Variants in RGS8 observed in about 807,000 individuals in gnomAD.
RGS8 encodes regulator of G-protein signaling 8.
RGS8 carries 8 observed loss-of-function variants against 21.7 expected under a neutral mutation model. That is an observed-to-expected ratio of 0.37 (90% CI 0.22 to 0.66). The LOEUF (loss-of-function observed/expected upper bound fraction) is 0.66, where lower values mean the gene tolerates loss of function less well. Ranked by LOEUF, RGS8 falls within the 30% of genes least tolerant of loss-of-function variation. RGS8 has a pLI of 0.59. For missense variants in RGS8, 157 were observed against 217.9 expected, an observed-to-expected ratio of 0.72 and a Z score of 1.76; for synonymous variants, 80 against 83.6, an observed-to-expected ratio of 0.96 and a Z score of 0.24.
chr1:182,679,566 C>T (rs1055749109), intron 1 of RGS8, among the ~76,000 whole-genome samples: 4 of 152,070 alleles, frequency 2.6e-5, no homozygotes, highest in African/African-American at 7.2e-5. Context: ...CAATCTCATC[C>T]TTGCCCATAG....
the RGS8 span, among the ~76,000 whole-genome samples, chr1:182,747,500 T>C: frequency 1.3e-5 from 2 of 152,310 alleles, no homozygotes; most frequent in African/African-American, 4.8e-5. Context: ...TTAATGGGTA[T>C]ATTGCTATTC....
chr1:182,679,198 A>G (rs1439798343), intron 1 of RGS8, among the ~76,000 whole-genome samples: 1 of 152,044 alleles, frequency 6.6e-6, no homozygotes, highest in African/African-American at 2.4e-5. Flanking sequence ...TTCTCCTTTT[A>G]TCAGCAAAAC....
At chr1:182,726,624 C>A in the RGS8 span, among the ~76,000 whole-genome samples, 1 of 151,500 alleles carries the variant, frequency 6.6e-6, no homozygotes, top group East Asian at 1.9e-4. Context: ...GAGCCAAGAT[C>A]ACACCATTGC....
chr1:182,659,286 T>A (rs1262880588), intron 5 of RGS8, among the ~76,000 whole-genome samples: 2 of 152,204 alleles, frequency 1.3e-5, no homozygotes, highest in Non-Finnish European at 2.9e-5. Context: ...GGAGCCTGTA[T>A]CTGCAACTAT....
At chr1:182,720,879 G>GTA in the RGS8 span, among the ~76,000 whole-genome samples, 64 of 129,008 alleles carry the variant, frequency 5.0e-4, 1 homozygote, top group East Asian at 4.3e-3. Context: ...ACACATATAT[G>GTA]TATATATATA....
At chr1:182,720,986 CAT>C in the RGS8 span, among the ~76,000 whole-genome samples, 261 of 91,976 alleles carry the variant, frequency 2.8e-3, 16 homozygotes, top group East Asian at 0.028. Context: ...CATATATACA[CAT>C]ATATATGTGT....
At chr1:182,665,814 T>C (rs1476046438) in intron 5 of RGS8, among the ~76,000 whole-genome samples, 155 bp downstream of exon 6, 1 of 152,230 alleles carries the variant, frequency 6.6e-6, no homozygotes, top group African/African-American at 2.4e-5. Context: ...TTTTCTTTTC[T>C]ATATGCTCCT....
At chr1:182,750,375 C>G in the RGS8 span, among the ~76,000 whole-genome samples, 1 of 152,158 alleles carries the variant, frequency 6.6e-6, no homozygotes, top group Admixed American at 6.5e-5. Context: ...ATCTTTACAT[C>G]AACAATAGTT....
chr1:182,742,747 G>GGGACAGGGAC, the RGS8 span, among the ~76,000 whole-genome samples: 35 of 150,412 alleles, frequency 2.3e-4, no homozygotes, highest in Non-Finnish European at 3.8e-4. Flanking sequence ...GGGAGAGGGA[G>GGGACAGGGAC]AGGGACAGGG....
At chr1:182,655,281 G>A (rs995766059) in intron 5 of RGS8, among the ~76,000 whole-genome samples, 1 of 152,212 alleles carries the variant, frequency 6.6e-6, no homozygotes, top group Non-Finnish European at 1.5e-5. Flanking sequence ...TGAAGTGGAA[G>A]GAGAGGACTC....
intron 6 of RGS8, among the ~76,000 whole-genome samples, chr1:182,647,659 G>A (rs1662766029): frequency 6.6e-6 from 1 of 152,268 alleles, no homozygotes; most frequent in East Asian, 1.9e-4. Flanking sequence ...GGCAAATACT[G>A]AACAGGTGCT....
chr1:182,659,299 TAAGAAATCAGC>T (rs1476217153), intron 5 of RGS8, among the ~76,000 whole-genome samples: 1 of 152,178 alleles, frequency 6.6e-6, no homozygotes, highest in African/African-American at 2.4e-5. Flanking sequence ...GCAACTATTA[TAAGAAATCAGC>T]AAGAAATTTC....
Position 182,681,781 on chromosome 1 carries a change from T to C in RGS8, n.221+2575A>G, listed in dbSNP as rs1484451217. 6.6e-5 allele frequency among the ~76,000 whole-genome samples: 10 copies of C among 152,252 alleles called. 1 individual carries two copies. The highest frequency in any genetic ancestry group is 1.5e-5 in the Non-Finnish European group (1 of 68,046). ...GTGGGTGCACTCCGATGCACGGAGA[T>C]GCTGAGCAAATTCCCCCTGACACTT... On this transcript the variant is annotated intron_variant and non_coding_transcript_variant, in intron 1 of 4. Coordinates refer to the RGS8 transcript ENST00000515211.
the RGS8 span, among the ~76,000 whole-genome samples, chr1:182,735,665 C>T: frequency 2.6e-5 from 4 of 152,334 alleles, no homozygotes; most frequent in East Asian, 5.8e-4. Context: ...AGAACCAGTC[C>T]TGTTATTGAA....
chr1:182,723,803 T>C, the RGS8 span, among the ~76,000 whole-genome samples: 4 of 152,290 alleles, frequency 2.6e-5, no homozygotes, highest in African/African-American at 9.6e-5. Flanking sequence ...TAATTCCAGA[T>C]TAAACTGTAT....
At chr1:182,655,975 C>A (rs1663255736) in intron 5 of RGS8, among the ~76,000 whole-genome samples, 2 of 152,146 alleles carry the variant, frequency 1.3e-5, no homozygotes, top group Non-Finnish European at 2.9e-5. Flanking sequence ...CATCTCCAAG[C>A]CCAAGCGTTC....
intron 5 of RGS8, among the ~76,000 whole-genome samples, chr1:182,655,479 G>A (rs547992963): frequency 2.0e-5 from 3 of 152,348 alleles, no homozygotes; most frequent in East Asian, 1.9e-4. Context: ...AGTTAAGGCC[G>A]ACTCGGCAGG....
the RGS8 span, among the ~76,000 whole-genome samples, chr1:182,749,715 C>T: frequency 1.3e-5 from 2 of 152,138 alleles, no homozygotes; most frequent in African/African-American, 2.4e-5. Context: ...CTTAACCTCT[C>T]TCTTTTTCTG....
chr1:182,672,824 T>C (rs1249910570), upstream of RGS8: 1 of 1,614,058 alleles, frequency 6.2e-7, no homozygotes, highest in African/African-American at 1.3e-5. Flanking sequence ...CTTACCCACA[T>C]GGGTCTTCAC....
Sources: gnomAD v4.1 joint callset for allele counts (sites outside exome capture counted in the v4.1 genomes callset) on GRCh38, gnomAD v4.1.1 for gene constraint, MANE v1.5 for transcripts, NCBI Gene and HGNC (gene_info 2026-07-23, HGNC 2026-07-21) for gene names.